The following SUPT3H variants were observed in gnomAD, a reference collection of about 807,000 sequenced individuals.
The protein encoded by SUPT3H is SPT3 homolog, SAGA and STAGA complex component.
In SUPT3H, 44 loss-of-function variants were observed where a neutral mutation model predicts 44.3. That is an observed-to-expected ratio of 0.99 (90% CI 0.78 to 1.28). The LOEUF (loss-of-function observed/expected upper bound fraction) is 1.28. SUPT3H is among the 50% of genes most tolerant of loss of function. The pLI is 0.00. For missense variants in SUPT3H, 380 were observed against 387.1 expected (o/e 0.98, Z 0.15); for synonymous variants, 124 against 125.6 (o/e 0.99, Z 0.09).
At chr6:45,322,798 A>G in intron 2 of SUPT3H, 1 of 1,016,656 alleles carries the variant, frequency 9.8e-7, no homozygotes, top group Non-Finnish European at 1.6e-6. Flanking sequence ...GGTCTCGCCC[A>G]TATATTTTGG....
At position 45,097,550 on chromosome 6, in the gene SUPT3H, T is replaced by C. The variant is rs1258328059; in HGVS notation, c.186+8372A>G. 2.6e-5 allele frequency: 4 copies of C among 152,188 alleles called. No individual in the cohort carries two copies. The East Asian group carries it at 5.8e-4, about 22-fold the overall frequency. 9.4% of individuals were successfully genotyped at this position (152,188 alleles called of 1,614,324 possible). On this transcript the variant is annotated intron_variant, in intron 3 of 10. Coordinates refer to ENST00000371459, the MANE Select transcript of SUPT3H (RefSeq NM_003599.4). ...CAGCCACTTGCTGATTTGTGAGAAA[T>C]TCAACTGTGGCCACACAAAGTCATT...
intron 2 of SUPT3H, among the ~76,000 whole-genome samples, chr6:45,181,920 T>TAATA (rs1813320212): frequency 6.6e-6 from 1 of 151,812 alleles, no homozygotes; most frequent in Non-Finnish European, 1.5e-5. Context: ...ATACCTTGTC[T>TAATA]AATAAAACTG....
At chr6:45,176,190 G>C (rs1408575211) in intron 2 of SUPT3H, among the ~76,000 whole-genome samples, 7 of 151,892 alleles carry the variant, frequency 4.6e-5, no homozygotes, top group Admixed American at 1.3e-4. Context: ...GGGAGTGCCA[G>C]ACAGTGGGCG....
rs111825620 is a variant in SUPT3H at position 44,991,446 on chromosome 6, C to T, written c.504+12207G>A. Among the ~76,000 whole-genome samples, 826 of 152,114 alleles carry T rather than the reference C, an allele frequency of 5.4e-3. 12 individuals carry two copies. The highest frequency in any genetic ancestry group is 0.019 in the African/African-American group (795 of 41,516). Reference sequence around the variant, plus strand: ...GACTGATGCTATGAAAAGTTCCAAACGGATATGCTAATACAATAGATTATA... The same window carrying T: ...GACTGATGCTATGAAAAGTTCCAAATGGATATGCTAATACAATAGATTATA... On this transcript the variant is annotated intron_variant, in intron 6 of 10. Transcript: ENST00000371459.
At chr6:45,159,613 T>C (rs1248118602) in intron 2 of SUPT3H, 2 of 152,218 alleles carry the variant, frequency 1.3e-5, no homozygotes, top group South Asian at 2.1e-4. Context: ...TCAGAGATCC[T>C]GTTTTAAATA....
chr6:45,027,071 C>G (rs1786141979), intron 3 of SUPT3H, among the ~76,000 whole-genome samples: 1 of 149,776 alleles, frequency 6.7e-6, no homozygotes, highest in Non-Finnish European at 1.5e-5. Flanking sequence ...CTCACTGCAG[C>G]CTCAACCTCC....
At chr6:44,857,601 T>C (rs1230093200) in intron 10 of SUPT3H, among the ~76,000 whole-genome samples, 2 of 152,234 alleles carry the variant, frequency 1.3e-5, no homozygotes, top group African/African-American at 4.8e-5. Flanking sequence ...TATGTAGCAT[T>C]ATTAACAGAT....
chr6:45,282,454 G>T (rs1219251389), intron 2 of SUPT3H, among the ~76,000 whole-genome samples: 2 of 152,190 alleles, frequency 1.3e-5, no homozygotes, highest in Non-Finnish European at 2.9e-5. Flanking sequence ...AGCTTCAGTA[G>T]CCGATTCGAT....
At chr6:44,982,344 C>T (rs1209536418) in intron 6 of SUPT3H, among the ~76,000 whole-genome samples, 4 of 152,140 alleles carry the variant, frequency 2.6e-5, no homozygotes, top group African/African-American at 9.7e-5. Flanking sequence ...CTGCCTCAGC[C>T]TCCCGAGTAG....
At chr6:44,942,489 G>A (rs1353042463) in intron 9 of SUPT3H, among the ~76,000 whole-genome samples, 1 of 152,162 alleles carries the variant, frequency 6.6e-6, no homozygotes, top group African/African-American at 2.4e-5. Context: ...TAAACGAGAT[G>A]CCAGAGTTCG....
At chr6:44,901,001 C>T (rs1308642859) in intron 10 of SUPT3H, among the ~76,000 whole-genome samples, 1 of 152,094 alleles carries the variant, frequency 6.6e-6, no homozygotes, top group Non-Finnish European at 1.5e-5. Flanking sequence ...GAAGGAACAT[C>T]CACACCAAAA....
chr6:44,964,778 C>A (rs1776550998), intron 6 of SUPT3H, among the ~76,000 whole-genome samples: 1 of 152,154 alleles, frequency 6.6e-6, no homozygotes, highest in Non-Finnish European at 1.5e-5. Flanking sequence ...ACACAGGAAA[C>A]ACTCCACGCA....
chr6:44,839,005 C>T (rs1054169779), intron 10 of SUPT3H, among the ~76,000 whole-genome samples: 1 of 152,160 alleles, frequency 6.6e-6, no homozygotes, highest in African/African-American at 2.4e-5. Flanking sequence ...TCATAAATAA[C>T]AAAAGTGTCT....
intron 6 of SUPT3H, among the ~76,000 whole-genome samples, chr6:44,966,371 T>G (rs1031210331): frequency 2.0e-5 from 3 of 150,620 alleles, no homozygotes; most frequent in African/African-American, 4.9e-5. Flanking sequence ...CTAATAAAAC[T>G]GCTTATTCTT....
intron 3 of SUPT3H, among the ~76,000 whole-genome samples, chr6:45,039,936 T>C (rs567065659): frequency 1.2e-4 from 18 of 152,266 alleles, no homozygotes; most frequent in South Asian, 6.2e-4. Flanking sequence ...ACAACTGTTA[T>C]ACAAATAAGA....
intron 1 of SUPT3H, among the ~76,000 whole-genome samples, chr6:45,371,054 T>A (rs1795981137): frequency 6.6e-6 from 1 of 152,176 alleles, no homozygotes; most frequent in Admixed American, 6.5e-5. Context: ...TTACACAAAC[T>A]TAATTAAAGA....
intron 2 of SUPT3H, among the ~76,000 whole-genome samples, chr6:45,233,794 C>T (rs185640900): frequency 1.8e-4 from 28 of 152,198 alleles, no homozygotes; most frequent in Admixed American, 1.7e-3. Context: ...ATCTCTAAAC[C>T]CACATTCCTA....
At chr6:45,145,187 C>T (rs950990533) in intron 2 of SUPT3H, among the ~76,000 whole-genome samples, 3 of 151,802 alleles carry the variant, frequency 2.0e-5, no homozygotes, top group African/African-American at 7.3e-5. Flanking sequence ...CATAGGGGAC[C>T]AATAAAGATC....
chr6:45,196,727 C>G (rs1277976050), intron 2 of SUPT3H, among the ~76,000 whole-genome samples: 1 of 151,752 alleles, frequency 6.6e-6, no homozygotes, highest in Non-Finnish European at 1.5e-5. Context: ...TCACTAAGCA[C>G]AAGAATTGTA....
Sources: gnomAD v4.1 joint callset for allele counts (sites outside exome capture counted in the v4.1 genomes callset) on GRCh38, gnomAD v4.1.1 for gene constraint, MANE v1.5 for transcripts, NCBI Gene and HGNC (gene_info 2026-07-23, HGNC 2026-07-21) for gene names.